The following NPTXR variants were observed in gnomAD, a reference collection of about 807,000 sequenced individuals.
NPTXR encodes neuronal pentraxin receptor.
Under a neutral mutation model 32.2 loss-of-function variants are expected in NPTXR, and 12 were observed. The ratio of observed to expected loss-of-function variants is 0.37; its 90% CI spans 0.24 to 0.60. The LOEUF is 0.60. NPTXR is among the 20% of genes least tolerant of loss of function. NPTXR has a pLI of 0.66. For missense variants in NPTXR, 612 were observed against 682.9 expected (o/e 0.90, Z 1.16); for synonymous variants, 323 against 315.8 (o/e 1.02, Z -0.24).
At chr22:38,830,915 C>T (rs968798786) in intron 1 of NPTXR, among the ~76,000 whole-genome samples, 5 of 152,332 alleles carry the variant, frequency 3.3e-5, no homozygotes, top group South Asian at 2.1e-4. Context: ...GAGGTCACGG[C>T]CTCCCAGCCA....
intron 1 of NPTXR, among the ~76,000 whole-genome samples, chr22:38,831,713 T>TC (rs1186479557): frequency 6.6e-6 from 1 of 151,874 alleles, no homozygotes; most frequent in Non-Finnish European, 1.5e-5. Context: ...GGGCAGGGTG[T>TC]CCCTGGTCCC....
chr22:38,829,973 C>T (rs1057022131), intron 1 of NPTXR, among the ~76,000 whole-genome samples: 4 of 152,172 alleles, frequency 2.6e-5, no homozygotes, highest in South Asian at 2.1e-4. Context: ...GACTGAGGGC[C>T]GCGTGTTCCT....
intron 1 of NPTXR, among the ~76,000 whole-genome samples, chr22:38,842,699 G>A (rs980806158): frequency 2.6e-5 from 4 of 152,170 alleles, no homozygotes; most frequent in Non-Finnish European, 4.4e-5. Context: ...GAGATTCAGG[G>A]TAGGGAGGTG....
chr22:38,829,440 G>C (rs758663756), intron 1 of NPTXR, among the ~76,000 whole-genome samples: 3 of 152,184 alleles, frequency 2.0e-5, no homozygotes, highest in Non-Finnish European at 2.9e-5. Context: ...TGGGGTGGAG[G>C]AACGCAGGTG....
intron 1 of NPTXR, among the ~76,000 whole-genome samples, chr22:38,833,037 G>A (rs542846476): frequency 2.2e-4 from 34 of 152,080 alleles, no homozygotes; most frequent in African/African-American, 8.2e-4. Flanking sequence ...TTGCTGCAGG[G>A]AGCAGAAGGC....
At chr22:38,838,283 C>T (rs968934872) in intron 1 of NPTXR, among the ~76,000 whole-genome samples, 4 of 152,016 alleles carry the variant, frequency 2.6e-5, no homozygotes, top group African/African-American at 9.7e-5. Flanking sequence ...GGGTCTGTGT[C>T]CTTCACTGTC....
Position 38,843,523 on chromosome 22 carries a change from C to G in NPTXR, c.336G>C (p.Ala112=). ...CGCGCTCGCCCGGCGCAGCGCCCGC[C>G]GCGTCCCCCTGCTGGGCCCCCGACG... is the stretch of plus-strand genomic sequence containing the variant. The change falls in exon 1 of 5, where the codon GCG becomes GCC. Residue 112 remains alanine (A), a synonymous_variant. Coordinates refer to ENST00000333039, the MANE Select transcript of NPTXR (RefSeq NM_014293.4). This position sits in a 1 kb window ranked among gnomAD's most constrained non-coding sequence, Gnocchi z 5.3. The G allele has an allele frequency of 7.9e-7, 1 of 1,268,394 alleles. No homozygotes were observed. The highest frequency in any genetic ancestry group is 9.9e-7 in the Non-Finnish European group (1 of 1,008,552). The allele number at this position is 1,268,394 out of a possible 1,614,324, so 78.6% of individuals were successfully genotyped here. A position where few individuals can be genotyped will look rare whatever the true frequency, so the allele number is the denominator to read the frequency against.
rs182010821 is a variant in NPTXR, at chr22:38,834,359, C to A, written c.625-5847G>T. 6.6e-6 allele frequency among the ~76,000 whole-genome samples: 1 copy of A among 152,198 alleles called. No individual in the cohort carries two copies. The highest frequency in any genetic ancestry group is 2.4e-5 in the African/African-American group (1 of 41,444). ...CCCGACAGGACATAGGTCACGCCCA[C>A]TGAAAGTCCTCTGCTGCTCAACTGC... On this transcript the variant is annotated intron_variant, in intron 1 of 4. Transcript: ENST00000333039. This position sits in a 1 kb window ranked among gnomAD's most constrained non-coding sequence, Gnocchi z 4.4.
intron 1 of NPTXR, among the ~76,000 whole-genome samples, chr22:38,838,626 G>A (rs1226055059): frequency 2.1e-5 from 3 of 141,372 alleles, no homozygotes; most frequent in African/African-American, 8.1e-5. Flanking sequence ...CTGTCGCCCA[G>A]GCTGGAGTGC....
At position 38,828,397 on chromosome 22, in the gene NPTXR, A is replaced by G; in HGVS notation, c.740T>C (p.Leu247Pro). The G allele has an allele frequency of 1.9e-6, 3 of 1,612,782 alleles. No homozygotes were observed. The highest frequency in any genetic ancestry group is 2.5e-6 in the Non-Finnish European group (3 of 1,179,936). ...GGCCACACGCTCCTTCTCCAGTGCC[A>G]GCACCTGGGCCAGCAGCTGCCCCTC... is the stretch of plus-strand genomic sequence containing the variant. The change falls in exon 2 of 5, where the codon CTG becomes CCG. Residue 247 changes from leucine (L) to proline (P), a missense_variant. Transcript: ENST00000333039.
rs66965879 is a variant in NPTXR, at chr22:38,827,248, CTT to C, written c.851-503_851-502del. Among the ~76,000 whole-genome samples the C allele has an allele frequency of 0.03, 3,752 of 126,582 alleles. 725 individuals carry two copies. In the East Asian group the frequency reaches 0.54, roughly 18 times the overall value. 83.0% of individuals were successfully genotyped at this position (126,582 alleles called of 152,430 possible). ...ATATTCTTTCTTTTCTTTTCTTTTT[CTT>C]TTTTTCTTTCTTTTTTTTTTTTTTT... On this transcript the variant is annotated intron_variant, in intron 2 of 4. Coordinates refer to ENST00000333039, the MANE Select transcript of NPTXR (RefSeq NM_014293.4).
At chr22:38,827,785 G>A (rs1432823849) in intron 2 of NPTXR, among the ~76,000 whole-genome samples, 2 of 152,206 alleles carry the variant, frequency 1.3e-5, no homozygotes, top group African/African-American at 2.4e-5. Context: ...ATGCAACCAG[G>A]AGCCAGGTCT....
chr22:38,841,929 C>G (rs570656737), intron 1 of NPTXR, among the ~76,000 whole-genome samples: 5 of 152,332 alleles, frequency 3.3e-5, no homozygotes, highest in East Asian at 3.9e-4. Context: ...CGGCTTTTCT[C>G]CTGCCTCTGC....
In NPTXR at chr22:38,827,470, G is replaced by C. The variant is rs550202810; in HGVS notation, c.851-723C>G. Among the ~76,000 whole-genome samples, 8 of 152,124 alleles carry C rather than the reference G, an allele frequency of 5.3e-5. No homozygotes were observed. The South Asian group carries it at 1.5e-3, about 28-fold the overall frequency. ...GCTGGCCTTGAACTCCTGACCTCAG[G>C]TGATCCGCCCACCTCAACCTCCCAA... On this transcript the variant is annotated intron_variant, in intron 2 of 4. Transcript: ENST00000333039.
At chr22:38,829,783 T>A (rs985599990) in intron 1 of NPTXR, among the ~76,000 whole-genome samples, 1 of 152,140 alleles carries the variant, frequency 6.6e-6, no homozygotes, top group Non-Finnish European at 1.5e-5. Flanking sequence ...GATGCTGAAG[T>A]TGTGGCTGGA....
intron 2 of NPTXR, among the ~76,000 whole-genome samples, chr22:38,827,243 T>C (rs1216427897): frequency 8.0e-6 from 1 of 124,602 alleles, no homozygotes; most frequent in East Asian, 3.4e-4. Context: ...TTTTCTTTTC[T>C]TTTTCTTTTT....
rs1258859314 is a variant in NPTXR at position 38,843,670 on chromosome 22, G to A, written c.189C>T (p.His63=). The change falls in exon 1 of 5, where the codon CAC becomes CAT. Residue 63 remains histidine, a synonymous_variant. Coordinates refer to ENST00000333039, the MANE Select transcript of NPTXR (RefSeq NM_014293.4). This position sits in a 1 kb window ranked among gnomAD's most constrained non-coding sequence, Gnocchi z 5.3. ...GGGGCCCGGCTGAACCGCCCGCGCC[G>A]TGCAGCGCGCTCAGGCTCCGCTGCG... 2.9e-6 allele frequency: 3 copies of A among 1,018,750 alleles called. No individual in the cohort carries two copies. Among genetic ancestry groups the A allele is most frequent in the African/African-American group, 3.5e-5 (2 of 57,348 alleles). The allele number at this position is 1,018,750 out of a possible 1,614,324, so 63.1% of individuals were successfully genotyped here. A position where few individuals can be genotyped will look rare whatever the true frequency, so the allele number is the denominator to read the frequency against.
At chr22:38,831,419 T>C (rs1180607050) in intron 1 of NPTXR, among the ~76,000 whole-genome samples, 6 of 151,814 alleles carry the variant, frequency 4.0e-5, no homozygotes, top group Admixed American at 2.0e-4. Context: ...GTGTGTGGGG[T>C]GAAACAGACT....
At chr22:38,836,620 C>G (rs1393974319) in intron 1 of NPTXR, among the ~76,000 whole-genome samples, 1 of 152,142 alleles carries the variant, frequency 6.6e-6, no homozygotes, top group African/African-American at 2.4e-5. Context: ...TTGGGGGCAC[C>G]AGGGAGCCTT....
Sources: allele counts gnomAD v4.1 joint callset (sites outside exome capture counted in the v4.1 genomes callset), GRCh38; gene constraint gnomAD v4.1.1; non-coding constraint Gnocchi (gnomAD v3.1); transcripts MANE v1.5; gene names NCBI Gene and HGNC (gene_info 2026-07-23, HGNC 2026-07-21).